The following COX16 variants were observed in gnomAD, a reference collection of about 807,000 sequenced individuals.
The protein encoded by COX16 is cytochrome c oxidase assembly protein COX16 homolog, mitochondrial.
Under a neutral mutation model 15.4 loss-of-function variants are expected in COX16, and 12 were observed. The observed-to-expected ratio is 0.78, with a 90% CI of 0.50 to 1.26. The LOEUF (loss-of-function observed/expected upper bound fraction) is 1.26. Among genes scored for constraint, COX16 ranks in the 50% most tolerant of loss-of-function variants. COX16 has a pLI of 0.00. For synonymous variants in COX16, 46 were observed against 41.1 expected (o/e 1.12, Z -0.46); for missense variants, 124 against 127.6 (o/e 0.97, Z 0.14).
intron 2 of COX16, among the ~76,000 whole-genome samples, chr14:70,330,126 A>T (rs1773799898): frequency 6.6e-6 from 1 of 152,132 alleles, no homozygotes; most frequent in African/African-American, 2.4e-5. Context: ...ACAAAACAAA[A>T]ACATTTTTAA....
chr14:70,353,012 C>T (rs1349144908), intron 1 of COX16, among the ~76,000 whole-genome samples: 1 of 152,052 alleles, frequency 6.6e-6, no homozygotes, highest in Non-Finnish European at 1.5e-5. Flanking sequence ...CCTGTAATCC[C>T]AGCACTTTGG....
At chr14:70,359,447 C>T in intron 1 of COX16, 72 bp downstream of exon 1, 1 of 1,353,152 alleles carries the variant, frequency 7.4e-7, no homozygotes, top group Non-Finnish European at 1.1e-6. Flanking sequence ...TTTACAGATT[C>T]CCTCCCAGGT....
chr14:70,354,302 G>A (rs903582784), intron 1 of COX16, among the ~76,000 whole-genome samples: 1 of 152,132 alleles, frequency 6.6e-6, no homozygotes, highest in Non-Finnish European at 1.5e-5. Flanking sequence ...ATTTGTATAC[G>A]CAAAATAACT....
intron 1 of COX16, among the ~76,000 whole-genome samples, chr14:70,358,870 G>A (rs991205031): frequency 6.6e-6 from 1 of 152,124 alleles, no homozygotes; most frequent in Non-Finnish European, 1.5e-5. Context: ...AACTCAGTGT[G>A]GATATGGATG....
At chr14:70,357,933 G>C (rs914196978) in intron 1 of COX16, among the ~76,000 whole-genome samples, 1 of 152,094 alleles carries the variant, frequency 6.6e-6, no homozygotes, top group African/African-American at 2.4e-5. Flanking sequence ...TCCACACAAA[G>C]CGTGTACATA....
chr14:70,349,518 A>G (rs1430125944), intron 1 of COX16, among the ~76,000 whole-genome samples: 1 of 152,180 alleles, frequency 6.6e-6, no homozygotes, highest in Non-Finnish European at 1.5e-5. Context: ...AGGCGTCTCT[A>G]CGTCCTTAAG....
intron 3 of COX16, 127 bp from the exon 4 acceptor site, chr14:70,326,576 CAAAT>C (rs1031077340): frequency 2.3e-5 from 13 of 554,400 alleles, no homozygotes; most frequent in South Asian, 6.7e-5. Context: ...ACAACTGTAG[CAAAT>C]AAATCAACTA....
rs1230639115 is a variant in COX16 at position 70,357,158 on chromosome 14, C to CCAAA, written c.69+2360_69+2361insTTTG. On this transcript the variant is annotated intron_variant, in intron 1 of 3. Coordinates refer to ENST00000389912, the MANE Select transcript of COX16 (RefSeq NM_016468.7). The stretch of plus-strand genomic sequence containing the variant: ...CAGACTTCTCCTAGGAAGCGTTTGT[C>CCAAA]AAAAAAAAAAAAAAAAAAAAAAAAA... Among the ~76,000 whole-genome samples the CCAAA allele has an allele frequency of 1.2e-3, 95 of 78,704 alleles. 12 individuals are homozygous for CCAAA. Among genetic ancestry groups the CCAAA allele is most frequent in the African/African-American group, 4.3e-3 (89 of 20,710 alleles). 51.6% of individuals were successfully genotyped at this position (78,704 alleles called of 152,430 possible).
At chr14:70,340,000 C>T (rs1886576408) in intron 2 of COX16, among the ~76,000 whole-genome samples, 1 of 152,156 alleles carries the variant, frequency 6.6e-6, no homozygotes. Flanking sequence ...ACTTTGACTC[C>T]ATTTCCTAAA....
At chr14:70,353,548 T>C (rs531123234) in intron 1 of COX16, among the ~76,000 whole-genome samples, 9 of 151,810 alleles carry the variant, frequency 5.9e-5, no homozygotes, top group African/African-American at 1.9e-4. Flanking sequence ...GAGTCTTGCA[T>C]TGTCACCCAG....
intron 1 of COX16, among the ~76,000 whole-genome samples, chr14:70,347,576 G>A (rs549566275): frequency 1.3e-5 from 2 of 152,054 alleles, no homozygotes; most frequent in African/African-American, 4.8e-5. Context: ...CCCTAAAACC[G>A]TCCACTCTCC....
intron 1 of COX16, among the ~76,000 whole-genome samples, chr14:70,349,523 C>T (rs1432010967): frequency 6.6e-6 from 1 of 152,164 alleles, no homozygotes; most frequent in African/African-American, 2.4e-5. Context: ...TCTCTACGTC[C>T]TTAAGAATAA....
At position 70,326,458 on chromosome 14, in the gene COX16, C is replaced by T. The variant is rs1200214266; in HGVS notation, c.205-9G>A. On this transcript the variant is annotated splice_polypyrimidine_tract_variant and intron_variant, in intron 3 of 3. Coordinates refer to ENST00000389912, the MANE Select transcript of COX16 (RefSeq NM_016468.7). Reference sequence around the variant, plus strand: ...TTGGAGTCTTTGATTTTCTATAGAACCACAAAAAATTAAAGTATAAATATT... The same window carrying T: ...TTGGAGTCTTTGATTTTCTATAGAATCACAAAAAATTAAAGTATAAATATT... 6.4e-7 allele frequency: 1 copy of T among 1,564,230 alleles called. No homozygotes were observed. Among genetic ancestry groups the T allele is most frequent in the Non-Finnish European group, 8.6e-7 (1 of 1,160,708 alleles).
chr14:70,358,176 C>T (rs958200636), intron 1 of COX16, among the ~76,000 whole-genome samples: 8 of 151,990 alleles, frequency 5.3e-5, no homozygotes, highest in South Asian at 2.1e-4. Context: ...AGCAAATTTA[C>T]GGGTAGAAGT....
chr14:70,325,423 C>CA lies in COX16; in HGVS notation c.*909dup, dbSNP rs1474194599. On this transcript the variant is annotated 3_prime_UTR_variant, in exon 4 of 4. Coordinates refer to ENST00000389912, the MANE Select transcript of COX16 (RefSeq NM_016468.7). The stretch of plus-strand genomic sequence containing the variant: ...GGTGAAACCCCATCTCTACTAAATA[C>CA]AAAAAATTAGCCGGGTGTGACAGCA... 4 of 152,126 alleles carry CA rather than the reference C, an allele frequency of 2.6e-5. No homozygotes were observed. The highest frequency in any genetic ancestry group is 4.8e-5 in the African/African-American group (2 of 41,412). 9.4% of individuals were successfully genotyped at this position (152,126 alleles called of 1,614,324 possible). A position where few individuals can be genotyped will look rare whatever the true frequency, so the allele number is the denominator to read the frequency against.
chr14:70,344,142 T>C (rs1384312859), intron 1 of COX16, among the ~76,000 whole-genome samples: 1 of 152,230 alleles, frequency 6.6e-6, no homozygotes, highest in Non-Finnish European at 1.5e-5. Context: ...CTGCAAAATA[T>C]CTCAAGAACT....
chr14:70,355,200 T>A (rs901155331), intron 1 of COX16, among the ~76,000 whole-genome samples: 2 of 152,198 alleles, frequency 1.3e-5, no homozygotes, highest in Admixed American at 6.5e-5. Context: ...CAACCATCAA[T>A]GACATCCACA....
chr14:70,329,443 T>C (rs1208777067), intron 2 of COX16, among the ~76,000 whole-genome samples: 1 of 152,116 alleles, frequency 6.6e-6, no homozygotes, highest in African/African-American at 2.4e-5. Flanking sequence ...ATCTACTGAT[T>C]ACTTGTTATG....
intron 2 of COX16, among the ~76,000 whole-genome samples, chr14:70,337,948 A>G (rs367623816): frequency 1.1e-3 from 168 of 152,344 alleles, no homozygotes; most frequent in African/African-American, 3.8e-3. Context: ...TTGAAAAATC[A>G]TAATAGAAAT....
Sources: gnomAD v4.1 joint callset for allele counts (sites outside exome capture counted in the v4.1 genomes callset) on GRCh38, gnomAD v4.1.1 for gene constraint, MANE v1.5 for transcripts, NCBI Gene and HGNC (gene_info 2026-07-23, HGNC 2026-07-21) for gene names.